THSD7A: variants seen among roughly 807,000 people sequenced by gnomAD.
The protein encoded by THSD7A is thrombospondin type 1 domain containing 7A.
In THSD7A, 96 loss-of-function variants were observed where a neutral mutation model predicts 231.3. That is an observed-to-expected ratio of 0.41 (90% CI 0.35 to 0.49). THSD7A has a LOEUF of 0.49. THSD7A is among the 20% of genes least tolerant of loss of function. The pLI, the probability that THSD7A is intolerant of heterozygous loss-of-function variation, is 0.05. For synonymous variants in THSD7A, 940 were observed against 743.3 expected (o/e 1.26, Z -4.30); for missense variants, 2,290 against 2,070.2 (o/e 1.11, Z -2.06).
intron 2 of THSD7A, among the ~76,000 whole-genome samples, chr7:11,620,595 A>T (rs1215418222): frequency 6.6e-6 from 1 of 152,208 alleles, no homozygotes. Context: ...GTAACCTCCA[A>T]TGGCTGAGCA....
At chr7:11,586,424 ACT>A (rs778172509) in intron 4 of THSD7A, among the ~76,000 whole-genome samples, 8 of 151,948 alleles carry the variant, frequency 5.3e-5, no homozygotes, top group Admixed American at 1.3e-4. Context: ...ATCTATGGAG[ACT>A]CTCTTAGGTA....
At chr7:11,475,935 C>CTTTTTTTT (rs553018024) in intron 7 of THSD7A, among the ~76,000 whole-genome samples, 1 of 110,770 alleles carries the variant, frequency 9.0e-6, no homozygotes, top group African/African-American at 3.3e-5. Flanking sequence ...AAATACTTTC[C>CTTTTTTTT]TTTTTTTTTT....
chr7:11,590,534 T>C lies in THSD7A; in HGVS notation c.1379A>G (p.Gln460Arg), dbSNP rs1431357617. The C allele has an allele frequency of 2.5e-6, 4 of 1,613,864 alleles. No individual in the cohort carries two copies. The African/African-American group carries it at 5.3e-5, about 22-fold the overall frequency. Residue 460 changes from glutamine to arginine, a missense_variant, in exon 4 of 28, where the codon CAG (glutamine) becomes CGG (arginine). Gln to Arg is a conservative substitution (Grantham distance 43). Transcript: ENST00000423059. This position sits in a 1 kb window ranked among gnomAD's most constrained non-coding sequence, Gnocchi z 4.4. ...CTGCACGCAGTACACCTCTCGGGTC[T>C]GGATGCCCCCTCCACAGAGGGCCGT... ...NQTALCGGGI[Q>R]TREVYCVQAN...
chr7:11,804,575 A>G (rs568448582), intron 1 of THSD7A, among the ~76,000 whole-genome samples: 7 of 152,316 alleles, frequency 4.6e-5, no homozygotes, highest in African/African-American at 1.7e-4. Flanking sequence ...TGCTATATAC[A>G]GTGTTCCAAT....
At chr7:11,475,980 C>CATGAG (rs1284669710) in intron 7 of THSD7A, among the ~76,000 whole-genome samples, 1 of 129,010 alleles carries the variant, frequency 7.8e-6, no homozygotes, top group Admixed American at 8.7e-5. Context: ...TTAACTATAT[C>CATGAG]ATGAGAGTTA....
At chr7:11,820,690 C>G in intron 1 of THSD7A, 1 of 882,792 alleles carries the variant, frequency 1.1e-6, no homozygotes, top group South Asian at 1.3e-5. Flanking sequence ...TCCCCAGTCT[C>G]GATGTCTCAA....
chr7:11,466,875 C>T (rs1339795589), intron 9 of THSD7A, among the ~76,000 whole-genome samples: 1 of 152,026 alleles, frequency 6.6e-6, no homozygotes, highest in East Asian at 1.9e-4. Flanking sequence ...TTCCTACCTT[C>T]CCCCAAGAGA....
chr7:11,573,323 C>T (rs941702644), intron 4 of THSD7A, among the ~76,000 whole-genome samples: 1 of 152,238 alleles, frequency 6.6e-6, no homozygotes, highest in Non-Finnish European at 1.5e-5. Flanking sequence ...CTCTTGGACT[C>T]TGTCCTTTCC....
chr7:11,406,841 T>A lies in THSD7A; in HGVS notation c.4062+69A>T. On this transcript the variant is annotated intron_variant, in intron 21 of 27. Transcript: ENST00000423059. This position sits in a 1 kb window ranked among gnomAD's most constrained non-coding sequence, Gnocchi z 4.7. ...ACATATTTCTAACACATTATTTTTATGTTTTTCTGCAGATGAAGTCTCTGC... is the reference window on the plus strand; with the variant it reads ...ACATATTTCTAACACATTATTTTTAAGTTTTTCTGCAGATGAAGTCTCTGC... The A allele has an allele frequency of 6.5e-7, 1 of 1,535,282 alleles. No homozygotes were observed. The highest frequency in any genetic ancestry group is 8.8e-7 in the Non-Finnish European group (1 of 1,132,850).
chr7:11,402,724 A>G (rs980096933), intron 22 of THSD7A, among the ~76,000 whole-genome samples: 2 of 152,192 alleles, frequency 1.3e-5, no homozygotes, highest in African/African-American at 4.8e-5. Context: ...AAATCATACC[A>G]TATGTACTTT....
intron 23 of THSD7A, among the ~76,000 whole-genome samples, chr7:11,398,640 A>T (rs1167292436): frequency 1.3e-5 from 2 of 152,228 alleles, no homozygotes; most frequent in Non-Finnish European, 2.9e-5. Context: ...ATTGCTCCTC[A>T]CAAGAGGGCA....
In THSD7A at chr7:11,412,770, A is replaced by T; in HGVS notation, c.3568T>A (p.Ser1190Thr). The change falls in exon 18 of 28, where the codon TCA becomes ACA. Residue 1190 changes from serine to threonine, a missense_variant. Transcript: ENST00000423059. ...PCNQSSFRQR[S>T]ADPIRQPADE... Reference sequence around the variant, plus strand: ...GCTGGTTGTCTGATGGGATCAGCTGACCTTTGCCGGAAACTGCTTTGATTG... The same window carrying T: ...GCTGGTTGTCTGATGGGATCAGCTGTCCTTTGCCGGAAACTGCTTTGATTG... The T allele has an allele frequency of 1.9e-6, 3 of 1,613,148 alleles. No homozygotes were observed. Among genetic ancestry groups the T allele is most frequent in the Non-Finnish European group, 2.5e-6 (3 of 1,179,476 alleles).
At chr7:11,525,184 A>G (rs78212788) in intron 6 of THSD7A, among the ~76,000 whole-genome samples, 6,964 of 152,288 alleles carry the variant, frequency 0.046, 192 homozygotes, top group South Asian at 0.072. Context: ...TATGACTCAG[A>G]TGCAACTTCT....
intron 2 of THSD7A, among the ~76,000 whole-genome samples, chr7:11,605,269 A>C (rs940026532): frequency 6.6e-6 from 1 of 152,254 alleles, no homozygotes; most frequent in East Asian, 1.9e-4. Context: ...CTAATATGGA[A>C]AAAAACAAAT....
intron 6 of THSD7A, among the ~76,000 whole-genome samples, chr7:11,492,108 C>T (rs1412406123): frequency 6.6e-5 from 10 of 151,956 alleles, no homozygotes; most frequent in South Asian, 2.1e-4. Context: ...AGAGACATTC[C>T]GCCATCTGCC....
chr7:11,514,336 A>G (rs75753077), intron 6 of THSD7A, among the ~76,000 whole-genome samples: 3 of 152,168 alleles, frequency 2.0e-5, no homozygotes, highest in Non-Finnish European at 4.4e-5. Context: ...TACCCTCTAC[A>G]TCTAAAACAG....
chr7:11,447,111 A>G (rs1046317806), intron 12 of THSD7A, 119 bp downstream of exon 12: 3 of 918,024 alleles, frequency 3.3e-6, no homozygotes, highest in Non-Finnish European at 4.9e-6. Flanking sequence ...TTTAAAATAT[A>G]CATCTAAATC....
At chr7:11,463,186 T>A (rs1359455979) in intron 9 of THSD7A, among the ~76,000 whole-genome samples, 1 of 152,308 alleles carries the variant, frequency 6.6e-6, no homozygotes, top group East Asian at 1.9e-4. Context: ...TAAAAGATAC[T>A]GTGGTGGTGG....
At chr7:11,469,385 T>C (rs1366741222) in intron 9 of THSD7A, among the ~76,000 whole-genome samples, 2 of 152,156 alleles carry the variant, frequency 1.3e-5, no homozygotes, top group Non-Finnish European at 2.9e-5. Context: ...TAAATATTCA[T>C]AAATTCCTCA....
Sources: gnomAD v4.1 joint callset for allele counts (sites outside exome capture counted in the v4.1 genomes callset) on GRCh38, gnomAD v4.1.1 for gene constraint, Gnocchi (gnomAD v3.1) non-coding constraint, MANE v1.5 for transcripts, NCBI Gene and HGNC (gene_info 2026-07-23, HGNC 2026-07-21) for gene names.